WASHC2A: variants seen among roughly 807,000 people sequenced by gnomAD.
WASHC2A encodes WASH complex subunit 2A, also known as WASH complex subunit FAM21A.
Under a neutral mutation model 140.3 loss-of-function variants are expected in WASHC2A, and 82 were observed. That is an observed-to-expected ratio of 0.58 (90% CI 0.49 to 0.70). The LOEUF (loss-of-function observed/expected upper bound fraction) is 0.70, where lower values mean the gene tolerates loss of function less well. WASHC2A is among the 30% of genes least tolerant of loss of function. The pLI, the probability that WASHC2A is intolerant of heterozygous loss-of-function variation, is 0.00. For synonymous variants in WASHC2A, 340 were observed against 560.8 expected, an observed-to-expected ratio of 0.61 and a Z score of 5.56; for missense variants, 985 against 1,521.8, an observed-to-expected ratio of 0.65 and a Z score of 5.87.
At chr10:50,127,973 G>C (rs1843593036) in intron 28 of WASHC2A, among the ~76,000 whole-genome samples, 178 bp downstream of exon 28, 2 of 151,950 alleles carry the variant, frequency 1.3e-5, no homozygotes, top group Non-Finnish European at 2.9e-5. Flanking sequence ...TCCTGCACCT[G>C]CTTTTCCGTG....
Position 50,129,961 on chromosome 10 carries a change from AG to A in WASHC2A, c.3631del (p.Asp1211IlefsTer19), listed in dbSNP as rs1354592694. ...LLEDEDDLFT[D>X]QKVKKNETKS... Reference sequence around the variant, plus strand: ...TGGAAGATGAGGATGACCTCTTTACAGATCAGAAAGTCAAGAAGAATGAGAC... The same window carrying A: ...TGGAAGATGAGGATGACCTCTTTACAATCAGAAAGTCAAGAAGAATGAGAC... On this transcript the variant is annotated frameshift_variant, in exon 29 of 31. Transcript: ENST00000282633. LOFTEE classifies it high-confidence loss of function. The A allele has an allele frequency of 6.2e-7, 1 of 1,611,922 alleles. No homozygotes were observed. Among genetic ancestry groups the A allele is most frequent in the Non-Finnish European group, 8.5e-7 (1 of 1,179,864 alleles).
chr10:50,128,936 C>T (rs1843680712), intron 28 of WASHC2A, among the ~76,000 whole-genome samples: 1 of 151,598 alleles, frequency 6.6e-6, no homozygotes, highest in African/African-American at 2.4e-5. Context: ...CCTTAGATTA[C>T]CTCTCTTTAT....
intron 21 of WASHC2A, among the ~76,000 whole-genome samples, chr10:50,116,741 G>C (rs1246938770): frequency 6.6e-6 from 1 of 151,134 alleles, no homozygotes; most frequent in Non-Finnish European, 1.5e-5. Flanking sequence ...TTTATGTTAA[G>C]TTCAATGGTT....
chr10:50,129,731 G>C lies in WASHC2A; in HGVS notation c.3400G>C (p.Asp1134His). The stretch of plus-strand genomic sequence containing the variant: ...GGAGGCTGACCTTTTTGATTCTGGG[G>C]ACATCTTTTCCACGGGCACTGGATC... ...RGEADLFDSGDIFSTGTGSQS... is the reference protein window; with the variant it reads ...RGEADLFDSGHIFSTGTGSQS... Residue 1134 changes from aspartate (D) to histidine (H), a missense_variant, in exon 29 of 31, where the codon GAC (aspartate) becomes CAC (histidine). Physicochemically the swap from Asp to His is moderately conservative, Grantham distance 81. Coordinates refer to ENST00000282633, the MANE Select transcript of WASHC2A (RefSeq NM_001005751.3). 1 of 1,612,050 alleles carries C rather than the reference G, an allele frequency of 6.2e-7. No homozygotes were observed. Among genetic ancestry groups the C allele is most frequent in the African/African-American group, 1.3e-5 (1 of 74,986 alleles).
intron 30 of WASHC2A, among the ~76,000 whole-genome samples, chr10:50,132,583 T>A (rs1329825450): frequency 1.3e-5 from 2 of 152,242 alleles, no homozygotes; most frequent in Non-Finnish European, 2.9e-5. Flanking sequence ...TACACTTTTG[T>A]AGCTGAAGAA....
At chr10:50,071,945 G>T (rs2132321909) in intron 3 of WASHC2A, among the ~76,000 whole-genome samples, 3 of 131,146 alleles carry the variant, frequency 2.3e-5, no homozygotes, top group Non-Finnish European at 3.2e-5. Flanking sequence ...GTCTTGCTCT[G>T]TCATCCAGGC....
At chr10:50,132,744 T>G in intron 30 of WASHC2A, 62 bp from the exon 31 acceptor site, 1 of 1,612,014 alleles carries the variant, frequency 6.2e-7, no homozygotes, top group African/African-American at 1.3e-5. Context: ...TGCTTGCATG[T>G]GTCTTAAAAG....
chr10:50,120,481 G>A (rs1185448392), intron 23 of WASHC2A, among the ~76,000 whole-genome samples: 17 of 143,368 alleles, frequency 1.2e-4, no homozygotes, highest in East Asian at 2.1e-4. Context: ...ATAGCTTGGC[G>A]TGATGACGCT....
intron 5 of WASHC2A, among the ~76,000 whole-genome samples, chr10:50,081,315 A>G (rs1838857879): frequency 7.4e-6 from 1 of 135,688 alleles, no homozygotes; most frequent in Non-Finnish European, 1.6e-5. Context: ...GAGGCTCAAA[A>G]GAGACAGAGA....
chr10:50,082,727 C>T (rs2132451251), intron 5 of WASHC2A, among the ~76,000 whole-genome samples: 1 of 147,724 alleles, frequency 6.8e-6, no homozygotes, highest in South Asian at 2.2e-4. Context: ...GATCCGCCCG[C>T]CTCGGCCTCC....
chr10:50,084,616 A>G (rs1230549034), intron 6 of WASHC2A, among the ~76,000 whole-genome samples: 2 of 151,434 alleles, frequency 1.3e-5, no homozygotes, highest in Non-Finnish European at 2.9e-5. Context: ...TTTTTAGTAG[A>G]GACGGGGTTT....
In WASHC2A at chr10:50,097,747, C is replaced by T. The variant is rs1266538654; in HGVS notation, c.1493C>T (p.Ser498Leu). 4.1e-5 allele frequency: 66 copies of T among 1,606,870 alleles called. No homozygotes were observed. Among genetic ancestry groups the T allele is most frequent in the East Asian group, 6.7e-5 (3 of 44,792 alleles). ...GDLFKEKAVA[S>L]PEATVSQTDE... is the part of the protein sequence containing the mutation. ...CTGTTCAAAGAAAAAGCCGTAGCATCGCCAGAAGCCACTGTGAGTCAGACA... is the reference window on the plus strand; with the variant it reads ...CTGTTCAAAGAAAAAGCCGTAGCATTGCCAGAAGCCACTGTGAGTCAGACA... Residue 498 changes from serine (S) to leucine (L), a missense_variant, in exon 16 of 31, where the codon TCG becomes TTG. By Grantham distance (145) the Ser-to-Leu change is moderately radical (BLOSUM62 -2). Coordinates refer to ENST00000282633, the MANE Select transcript of WASHC2A (RefSeq NM_001005751.3).
At chr10:50,075,056 G>A (rs1838186660) in intron 3 of WASHC2A, among the ~76,000 whole-genome samples, 1 of 150,892 alleles carries the variant, frequency 6.6e-6, no homozygotes, top group Non-Finnish European at 1.5e-5. Flanking sequence ...ATGACGGTAT[G>A]TGTGTGTGTG....
At chr10:50,072,680 G>A (rs11003664) in intron 3 of WASHC2A, among the ~76,000 whole-genome samples, 31,429 of 151,616 alleles carry the variant, frequency 0.21, 3,557 homozygotes, top group Admixed American at 0.29. Context: ...AGTAGAGATG[G>A]GGTTTCACCG....
At chr10:50,125,090 A>G (rs1341621694) in intron 23 of WASHC2A, 23 bp from the exon 24 acceptor site, 20 of 1,611,608 alleles carry the variant, frequency 1.2e-5, no homozygotes, top group Non-Finnish European at 1.7e-5. Flanking sequence ...CTAATCACAC[A>G]TGACCTTCCC....
rs1840415077 is a variant in WASHC2A, at chr10:50,095,594, C to A, written c.1241-5C>A. The A allele has an allele frequency of 6.2e-7, 1 of 1,611,840 alleles. No homozygotes were observed. The highest frequency in any genetic ancestry group is 1.7e-5 in the Admixed American group (1 of 59,988). On this transcript the variant is annotated splice_region_variant and splice_polypyrimidine_tract_variant and intron_variant, in intron 14 of 30. Coordinates refer to ENST00000282633, the MANE Select transcript of WASHC2A (RefSeq NM_001005751.3). ...GCTGTGGCTGTCTTGTCTTTCCACC[C>A]ACAGGAGACACGGATGTGTTTGGTG... is the stretch of plus-strand genomic sequence containing the variant.
At chr10:50,081,773 C>T (rs550307883) in intron 5 of WASHC2A, among the ~76,000 whole-genome samples, 5 of 151,928 alleles carry the variant, frequency 3.3e-5, no homozygotes, top group Non-Finnish European at 7.4e-5. Flanking sequence ...GCTGGGATTA[C>T]AGGCGCCCAC....
At position 50,091,531 on chromosome 10, in the gene WASHC2A, C is replaced by G; in HGVS notation, c.931+13C>G. Reference sequence around the variant, plus strand: ...GAGGAGCCGACAAGTGAGCCCCAGCCGCGTTGATGGGGAGTAGGGGGGGAG... The same window carrying G: ...GAGGAGCCGACAAGTGAGCCCCAGCGGCGTTGATGGGGAGTAGGGGGGGAG... On this transcript the variant is annotated intron_variant, in intron 10 of 30. Transcript: ENST00000282633. 1 of 1,549,640 alleles carries G rather than the reference C, an allele frequency of 6.5e-7. No homozygotes were observed. The highest frequency in any genetic ancestry group is 8.7e-7 in the Non-Finnish European group (1 of 1,146,840).
rs1485458334 is a variant in WASHC2A, at chr10:50,125,428, C to T, written c.2667C>T (p.Ser889=). 5 of 1,609,312 alleles carry T rather than the reference C, an allele frequency of 3.1e-6. No individual in the cohort carries two copies. The Admixed American group carries it at 8.4e-5, about 27-fold the overall frequency. Residue 889 remains serine, a synonymous_variant, in exon 25 of 31, where the codon AGC becomes AGT. Transcript: ENST00000282633. ...FGDDEDDDLF[S]SAKSQPLVQE... is the part of the protein sequence containing the mutation. The stretch of plus-strand genomic sequence containing the variant: ...ATGATGAAGATGATGATCTTTTCAG[C>T]TCTGCCAAGTCCCAGCCTTTGGTAC...
Sources: allele counts gnomAD v4.1 joint callset (sites outside exome capture counted in the v4.1 genomes callset), GRCh38; gene constraint gnomAD v4.1.1; transcripts MANE v1.5; gene names NCBI Gene and HGNC (gene_info 2026-07-23, HGNC 2026-07-21).